SLC25A21: variants seen among roughly 807,000 people sequenced by gnomAD.
The protein encoded by SLC25A21 is solute carrier family 25 member 21.
In SLC25A21, 47 loss-of-function variants were observed where a neutral mutation model predicts 43.8. The observed-to-expected ratio is 1.07, with a 90% confidence interval of 0.85 to 1.37. SLC25A21 has a LOEUF of 1.37. Among genes scored for constraint, SLC25A21 ranks in the 40% most tolerant of loss-of-function variants. The probability of loss-of-function intolerance (pLI) is 0.00; values close to 1 mark genes in which losing one functional copy is unlikely to be tolerated. For synonymous variants in SLC25A21, 131 were observed against 121.3 expected, an observed-to-expected ratio of 1.08 and a Z score of -0.52; for missense variants, 352 against 350.2, an observed-to-expected ratio of 1.00 and a Z score of -0.04.
Position 36,680,631 on chromosome 14 carries a change from C to T in SLC25A21, c.*27G>A. Reference sequence around the variant, plus strand: ...GCTGCATAGCAAATATCCATTATCTCAAGGGGGAAAAACACTTCATAGGCA... The same window carrying T: ...GCTGCATAGCAAATATCCATTATCTTAAGGGGGAAAAACACTTCATAGGCA... On this transcript the variant is annotated 3_prime_UTR_variant, in exon 10 of 10. Coordinates refer to ENST00000331299, the MANE Select transcript of SLC25A21 (RefSeq NM_030631.4). The T allele has an allele frequency of 6.2e-7, 1 of 1,609,558 alleles. No homozygotes were observed. The highest frequency in any genetic ancestry group is 1.7e-5 in the Admixed American group (1 of 59,426).
At chr14:37,080,596 C>A (rs1406589849) in intron 1 of SLC25A21, among the ~76,000 whole-genome samples, 1 of 152,062 alleles carries the variant, frequency 6.6e-6, no homozygotes, top group Non-Finnish European at 1.5e-5. Flanking sequence ...CAAGACCCTG[C>A]CTCAAAAACA....
chr14:36,952,875 G>A (rs917900987), intron 1 of SLC25A21, among the ~76,000 whole-genome samples: 1 of 152,162 alleles, frequency 6.6e-6, no homozygotes, highest in Admixed American at 6.5e-5. Flanking sequence ...AATGAAGAAC[G>A]GGATATTCAA....
Position 37,078,788 on chromosome 14 carries a change from G to A in SLC25A21, c.70+93493C>T, listed in dbSNP as rs142568684. Among the ~76,000 whole-genome samples the A allele has an allele frequency of 3.4e-3, 514 of 151,290 alleles. 2 individuals carry two copies. The highest frequency in any genetic ancestry group is 0.012 in the African/African-American group (476 of 41,292). ...TATGGTTGCTTTGATTATGCGTTATGTTCATAAAGTTTTAGCTAAGGATAA... is the reference window on the plus strand; with the variant it reads ...TATGGTTGCTTTGATTATGCGTTATATTCATAAAGTTTTAGCTAAGGATAA... On this transcript the variant is annotated intron_variant, in intron 1 of 9. Coordinates refer to ENST00000331299, the MANE Select transcript of SLC25A21 (RefSeq NM_030631.4).
In SLC25A21 at chr14:36,910,402, C is replaced by T. The variant is rs551627278; in HGVS notation, c.71-35398G>A. ...AAGCGATGGGAGATGAGATAGAGTA[C>T]GGTAGCAACAGGACCTCACCATATT... On this transcript the variant is annotated intron_variant, in intron 1 of 9. Transcript: ENST00000331299. Among the ~76,000 whole-genome samples the T allele has an allele frequency of 9.9e-4, 151 of 152,094 alleles. 1 individual carries two copies. The highest frequency in any genetic ancestry group is 3.5e-3 in the African/African-American group (144 of 41,482).
At chr14:37,095,841 CACAAAA>C (rs765788542) in intron 1 of SLC25A21, among the ~76,000 whole-genome samples, 1 of 137,762 alleles carries the variant, frequency 7.3e-6, no homozygotes, top group Admixed American at 6.9e-5. Flanking sequence ...CACACACACA[CACAAAA>C]AACACCTTGA....
chr14:37,108,133 T>C (rs892205565), intron 1 of SLC25A21, among the ~76,000 whole-genome samples: 6 of 152,180 alleles, frequency 3.9e-5, no homozygotes, highest in Non-Finnish European at 5.9e-5. Flanking sequence ...CAAGATGATA[T>C]TATTGTGGCA....
rs368643174 is a variant in SLC25A21, at chr14:36,994,890, T to C, written c.71-119886A>G. On this transcript the variant is annotated intron_variant, in intron 1 of 9. Transcript: ENST00000331299. Reference sequence around the variant, plus strand: ...TCAAGTTGAGTTACCATTGCCTTTATTTCCCCTTCTTACCTTGCACTAGTT... The same window carrying C: ...TCAAGTTGAGTTACCATTGCCTTTACTTCCCCTTCTTACCTTGCACTAGTT... Among the ~76,000 whole-genome samples, 35 of 152,336 alleles carry C rather than the reference T, an allele frequency of 2.3e-4. No individual in the cohort carries two copies. In the East Asian group the frequency reaches 6.4e-3, roughly 28 times the overall value.
At chr14:37,115,466 G>A (rs1963090666) in intron 1 of SLC25A21, among the ~76,000 whole-genome samples, 1 of 152,094 alleles carries the variant, frequency 6.6e-6, no homozygotes, top group Admixed American at 6.5e-5. Context: ...AGGAAAGACT[G>A]AGAGGAAAAA....
chr14:36,938,145 G>A (rs746863008), intron 1 of SLC25A21, among the ~76,000 whole-genome samples: 1 of 152,038 alleles, frequency 6.6e-6, no homozygotes, highest in South Asian at 2.1e-4. Context: ...CTCCCTGAAC[G>A]CATGCTGTTA....
At chr14:36,797,608 A>G (rs917080121) in intron 3 of SLC25A21, among the ~76,000 whole-genome samples, 3 of 152,172 alleles carry the variant, frequency 2.0e-5, no homozygotes, top group African/African-American at 7.2e-5. Flanking sequence ...ATAGCAATGA[A>G]TCTCTGAACA....
intron 3 of SLC25A21, among the ~76,000 whole-genome samples, chr14:36,797,658 C>CTTTG (rs1298272617): frequency 6.6e-6 from 1 of 152,046 alleles, no homozygotes; most frequent in Non-Finnish European, 1.5e-5. Flanking sequence ...ACTTTAAAAC[C>CTTTG]CTTGCTGTGA....
chr14:36,989,992 G>A (rs1180800428), intron 1 of SLC25A21, among the ~76,000 whole-genome samples: 3 of 152,186 alleles, frequency 2.0e-5, no homozygotes, highest in African/African-American at 7.2e-5. Flanking sequence ...CTGGCAGCAA[G>A]TCAAGCTGCT....
intron 3 of SLC25A21, among the ~76,000 whole-genome samples, chr14:36,734,941 G>A (rs1162984701): frequency 1.3e-5 from 2 of 152,162 alleles, no homozygotes; most frequent in Non-Finnish European, 1.5e-5. Flanking sequence ...GCAACCAAAT[G>A]AGGTTAGGAT....
At chr14:37,062,511 G>A (rs1304121876) in intron 1 of SLC25A21, among the ~76,000 whole-genome samples, 2 of 152,050 alleles carry the variant, frequency 1.3e-5, no homozygotes, top group Non-Finnish European at 2.9e-5. Context: ...AGAAACCTCT[G>A]AAATTTTATC....
At chr14:36,978,355 T>C (rs1272777708) in intron 1 of SLC25A21, among the ~76,000 whole-genome samples, 1 of 152,238 alleles carries the variant, frequency 6.6e-6, no homozygotes, top group Non-Finnish European at 1.5e-5. Flanking sequence ...TACTATAGTC[T>C]ATTAAGTGTG....
At chr14:36,918,015 T>A (rs1170185809) in intron 1 of SLC25A21, among the ~76,000 whole-genome samples, 1 of 152,138 alleles carries the variant, frequency 6.6e-6, no homozygotes, top group Admixed American at 6.6e-5. Flanking sequence ...CATCACTCTT[T>A]GTATACGCAT....
chr14:36,927,105 G>T (rs943499364), intron 1 of SLC25A21, among the ~76,000 whole-genome samples: 2 of 152,164 alleles, frequency 1.3e-5, no homozygotes, highest in African/African-American at 4.8e-5. Context: ...GGGAGGCAGA[G>T]GTTGCAGTGA....
At chr14:37,092,461 T>C (rs558818685) in intron 1 of SLC25A21, among the ~76,000 whole-genome samples, 6 of 152,132 alleles carry the variant, frequency 3.9e-5, no homozygotes, top group Non-Finnish European at 7.3e-5. Context: ...AGGCTTCTGA[T>C]TTCCCCCCAG....
chr14:36,904,575 G>A (rs898699302), intron 1 of SLC25A21, among the ~76,000 whole-genome samples: 1 of 152,148 alleles, frequency 6.6e-6, no homozygotes, highest in Admixed American at 6.5e-5. Flanking sequence ...ACAAGACTGG[G>A]TAATTTATAA....
Sources: allele counts gnomAD v4.1 joint callset (sites outside exome capture counted in the v4.1 genomes callset), GRCh38; gene constraint gnomAD v4.1.1; transcripts MANE v1.5; gene names NCBI Gene and HGNC (gene_info 2026-07-23, HGNC 2026-07-21).